Variants in ENTPD7 observed in about 807,000 individuals in gnomAD.
The protein encoded by ENTPD7 is ectonucleoside triphosphate diphosphohydrolase 7.
A neutral mutation model predicts 77.9 loss-of-function variants in ENTPD7; 53 were observed. That is an observed-to-expected ratio of 0.68 (90% CI 0.55 to 0.85). The LOEUF (loss-of-function observed/expected upper bound fraction) is 0.85. Ranked by LOEUF, ENTPD7 falls within the 40% of genes least tolerant of loss-of-function variation. The pLI, the probability that ENTPD7 is intolerant of heterozygous loss-of-function variation, is 0.00. For synonymous variants in ENTPD7, 248 were observed against 274.9 expected (o/e 0.90, Z 0.97); for missense variants, 636 against 743.7 (o/e 0.86, Z 1.68).
Position 99,679,464 on chromosome 10 carries a change from C to G in ENTPD7, c.395C>G (p.Pro132Arg). 6.2e-7 allele frequency: 1 copy of G among 1,611,412 alleles called. No individual in the cohort carries two copies. Among genetic ancestry groups the G allele is most frequent in the East Asian group, 2.2e-5 (1 of 44,830 alleles). ...NSQPVVKKIK[P>R]GISAMADTPE... ...CAACCAGTGGTTAAAAAAATCAAGC[C>G]AGGTACTAATCAGAATATATTTTGT... The change falls in exon 4 of 13, where the codon CCA becomes CGA. Residue 132 changes from proline (P) to arginine (R), a missense_variant and splice_region_variant. Around this residue, in one of 3 missense-constraint regions of ENTPD7, gnomAD observed 486 missense variants for 556.5 expected, o/e 0.87. Coordinates refer to ENST00000370489, the MANE Select transcript of ENTPD7 (RefSeq NM_020354.5).
chr10:99,691,788 C>T (rs2035887675), intron 8 of ENTPD7, among the ~76,000 whole-genome samples: 2 of 152,080 alleles, frequency 1.3e-5, no homozygotes, highest in Admixed American at 6.5e-5. Flanking sequence ...CATAAGTGTT[C>T]AATACATTTT....
In ENTPD7 at chr10:99,709,623, T is replaced by G. The variant is rs1168292643; in HGVS notation, c.*4940T>G. On this transcript the variant is annotated 3_prime_UTR_variant, in exon 13 of 13. Coordinates refer to ENST00000370489, the MANE Select transcript of ENTPD7 (RefSeq NM_020354.5). ...TTTAGGTTGTGTTCTTGGCTCATTC[T>G]CTCATAACCTGGATCTAAGTTGGAA... 4 of 985,316 alleles carry G rather than the reference T, an allele frequency of 4.1e-6. No individual in the cohort carries two copies. In the East Asian group the frequency reaches 4.5e-4, roughly 112 times the overall value. The allele number at this position is 985,316 out of a possible 1,614,324, so 61.0% of individuals were successfully genotyped here. A position where few individuals can be genotyped will look rare whatever the true frequency, so the allele number is the denominator to read the frequency against.
chr10:99,681,846 A>G (rs992946993), intron 5 of ENTPD7, among the ~76,000 whole-genome samples: 4 of 152,184 alleles, frequency 2.6e-5, no homozygotes, highest in East Asian at 1.9e-4. Flanking sequence ...AGAAATGTCT[A>G]TTCAAGTCTT....
chr10:99,707,610 C>G lies in ENTPD7; in HGVS notation c.*2927C>G, dbSNP rs758129536. Among the ~76,000 whole-genome samples the G allele has an allele frequency of 1.3e-5, 2 of 152,166 alleles. No individual in the cohort carries two copies. The highest frequency in any genetic ancestry group is 1.9e-4 in the East Asian group (1 of 5,204). On this transcript the variant is annotated 3_prime_UTR_variant, in exon 13 of 13. Coordinates refer to ENST00000370489, the MANE Select transcript of ENTPD7 (RefSeq NM_020354.5). Reference sequence around the variant, plus strand: ...GTTCCTTTGAATCTTACCAACCACTCTTGTTAACAGAGACAATGAACCTGA... The same window carrying G: ...GTTCCTTTGAATCTTACCAACCACTGTTGTTAACAGAGACAATGAACCTGA...
intron 7 of ENTPD7, 25 bp from the exon 8 acceptor site, chr10:99,691,360 C>A: frequency 1.9e-6 from 3 of 1,601,640 alleles, no homozygotes; most frequent in Middle Eastern, 1.8e-4. Flanking sequence ...TTACTAGGGC[C>A]TTTTTGTTCT....
intron 8 of ENTPD7, among the ~76,000 whole-genome samples, chr10:99,693,628 A>G (rs1261295475): frequency 6.6e-6 from 1 of 152,194 alleles, no homozygotes; most frequent in Non-Finnish European, 1.5e-5. Context: ...TTAGATTTAC[A>G]TATAGCAGGC....
At chr10:99,693,013 G>C (rs1039059120) in intron 8 of ENTPD7, among the ~76,000 whole-genome samples, 7 of 152,146 alleles carry the variant, frequency 4.6e-5, no homozygotes, top group African/African-American at 1.7e-4. Context: ...GGAAATGAAA[G>C]GGAGGGGACA....
intron 9 of ENTPD7, among the ~76,000 whole-genome samples, chr10:99,698,107 A>G (rs1313154272): frequency 1.3e-5 from 2 of 152,152 alleles, no homozygotes; most frequent in East Asian, 1.9e-4. Flanking sequence ...CACATGGGCC[A>G]CTGCCGTGGT....
At chr10:99,673,016 A>T (rs1225348402) in intron 3 of ENTPD7, among the ~76,000 whole-genome samples, 5 of 152,114 alleles carry the variant, frequency 3.3e-5, no homozygotes, top group African/African-American at 1.2e-4. Flanking sequence ...TTCCAATTCC[A>T]CCCTGGGTGA....
intron 2 of ENTPD7, chr10:99,660,524 ACG>A (rs752903754): frequency 1.6e-5 from 5 of 303,068 alleles, no homozygotes; most frequent in African/African-American, 5.2e-5. Flanking sequence ...GGGAATGGAT[ACG>A]CACACACACA....
chr10:99,662,552 A>G (rs140489779), intron 3 of ENTPD7, among the ~76,000 whole-genome samples: 5 of 152,212 alleles, frequency 3.3e-5, no homozygotes, highest in Non-Finnish European at 1.5e-5. Flanking sequence ...GTGTTAGTCA[A>G]TTGTCTTTTG....
At chr10:99,660,921 C>CAA (rs33958635) in intron 2 of ENTPD7, among the ~76,000 whole-genome samples, 16 of 143,716 alleles carry the variant, frequency 1.1e-4, no homozygotes, top group African/African-American at 4.1e-4. Flanking sequence ...GACTCCATCT[C>CAA]AAAAAAAAAA....
rs1434464678 is a variant in ENTPD7 at position 99,709,101 on chromosome 10, T to C, written c.*4418T>C. 1.6e-5 allele frequency: 16 copies of C among 981,614 alleles called. No homozygotes were observed. Among genetic ancestry groups the C allele is most frequent in the Non-Finnish European group, 1.9e-5 (16 of 826,606 alleles). 60.8% of individuals were successfully genotyped at this position (981,614 alleles called of 1,614,324 possible). On this transcript the variant is annotated 3_prime_UTR_variant, in exon 13 of 13. Transcript: ENST00000370489. Reference sequence around the variant, plus strand: ...TTTTATACATCTTTTTAAAACAATTTTATACAATTTCCTTTACTACAACAT... The same window carrying C: ...TTTTATACATCTTTTTAAAACAATTCTATACAATTTCCTTTACTACAACAT...
In ENTPD7 at chr10:99,659,706, G is replaced by A. The variant is rs979969577; in HGVS notation, c.-96+118G>A. 3 of 470,354 alleles carry A rather than the reference G, an allele frequency of 6.4e-6. No individual in the cohort carries two copies. Among genetic ancestry groups the A allele is most frequent in the Admixed American group, 3.7e-5 (1 of 27,216 alleles). The allele number at this position is 470,354 out of a possible 1,614,324, so 29.1% of individuals were successfully genotyped here. ...GAGGACAGAGCTGGCCCACGAGAAC[G>A]CCCCGCTCCCAGGATGCCCGGGTAG... On this transcript the variant is annotated intron_variant, in intron 1 of 12. Transcript: ENST00000370489. The surrounding 1 kb of genome is among the most constrained non-coding windows in gnomAD (Gnocchi z 4.1).
intron 5 of ENTPD7, among the ~76,000 whole-genome samples, chr10:99,684,616 A>C (rs2035790534): frequency 6.6e-6 from 1 of 152,236 alleles, no homozygotes. Flanking sequence ...AAGTGCTAAC[A>C]ACATTCTTCA....
intron 3 of ENTPD7, 55 bp from the exon 4 acceptor site, chr10:99,679,206 G>T (rs1459163397): frequency 2.6e-6 from 4 of 1,549,240 alleles, no homozygotes; most frequent in African/African-American, 1.4e-5. Flanking sequence ...GTAAGTGAGG[G>T]CGCCTTTCAT....
chr10:99,691,285 C>A, intron 7 of ENTPD7, 100 bp from the exon 8 acceptor site: 1 of 1,315,498 alleles, frequency 7.6e-7, no homozygotes, highest in Non-Finnish European at 1.0e-6. Context: ...AGCCATGGCA[C>A]CTGCCTGCTT....
At chr10:99,692,488 A>G (rs927383952) in intron 8 of ENTPD7, among the ~76,000 whole-genome samples, 2 of 150,820 alleles carry the variant, frequency 1.3e-5, no homozygotes, top group African/African-American at 4.9e-5. Context: ...TTCTTGCTTC[A>G]TGGAAGGTAA....
chr10:99,696,785 C>G (rs547593725), intron 9 of ENTPD7, among the ~76,000 whole-genome samples: 21 of 152,254 alleles, frequency 1.4e-4, no homozygotes, highest in Admixed American at 1.3e-3. Flanking sequence ...TAAGAGAAAG[C>G]AGAGTTCTTT....
Sources: gnomAD v4.1 joint callset for allele counts (sites outside exome capture counted in the v4.1 genomes callset) on GRCh38, gnomAD v4.1.1 for gene constraint, gnomAD v4.1.1 regional missense constraint, Gnocchi (gnomAD v3.1) non-coding constraint, MANE v1.5 for transcripts, NCBI Gene and HGNC (gene_info 2026-07-23, HGNC 2026-07-21) for gene names.